SP140: variants seen among roughly 807,000 people sequenced by gnomAD.
SP140 encodes the protein SP140 nuclear body protein, also known as nuclear body protein SP140.
SP140 carries 81 observed loss-of-function variants against 125.0 expected under a neutral mutation model. The ratio of observed to expected loss-of-function variants is 0.65; its 90% confidence interval spans 0.54 to 0.78. SP140 has a LOEUF of 0.78. Ranked by LOEUF, SP140 falls within the 30% of genes least tolerant of loss-of-function variation. The pLI is 0.00. For missense variants in SP140, 858 were observed against 1,037.0 expected (o/e 0.83, Z 2.37); for synonymous variants, 312 against 354.0 (o/e 0.88, Z 1.33).
At chr2:230,292,057 A>T (rs896401605) in intron 19 of SP140, among the ~76,000 whole-genome samples, 4 of 152,210 alleles carry the variant, frequency 2.6e-5, no homozygotes, top group African/African-American at 9.6e-5. Context: ...ATATAAATTA[A>T]ATTTTTTATC....
At chr2:230,264,283 T>C (rs1456795595) in intron 12 of SP140, among the ~76,000 whole-genome samples, 1 of 152,216 alleles carries the variant, frequency 6.6e-6, no homozygotes, top group Admixed American at 6.5e-5. Flanking sequence ...TTCCAGAGCA[T>C]TTCACATTTC....
chr2:230,235,499 G>A (rs2047839448), intron 1 of SP140, among the ~76,000 whole-genome samples: 1 of 152,068 alleles, frequency 6.6e-6, no homozygotes, highest in South Asian at 2.1e-4. Context: ...TTTTTTAAAA[G>A]AATTCAATGG....
chr2:230,227,360 G>A (rs139552277), intron 1 of SP140, among the ~76,000 whole-genome samples: 96 of 152,260 alleles, frequency 6.3e-4, no homozygotes, highest in Non-Finnish European at 1.3e-3. Flanking sequence ...ATGAGCCAGC[G>A]GAGCTCAAAG....
At chr2:230,213,568 C>T in intron 1 of SP140, 1 of 158,636 alleles carries the variant, frequency 6.3e-6, no homozygotes, top group East Asian at 1.8e-4. Flanking sequence ...TCCACAATAC[C>T]CCAGACCCTT....
downstream of SP140, among the ~76,000 whole-genome samples, chr2:230,315,929 G>T (rs1034470626): frequency 5.9e-5 from 9 of 152,182 alleles, no homozygotes; most frequent in African/African-American, 1.4e-4. Flanking sequence ...GGTTAGCACA[G>T]CCTTAGCAAG....
chr2:230,245,746 A>G, intron 6 of SP140, 117 bp from the exon 7 acceptor site: 2 of 666,586 alleles, frequency 3.0e-6, no homozygotes, highest in Non-Finnish European at 5.4e-6. Context: ...GTTTGGTGCA[A>G]AGATACCTTT....
chr2:230,289,711 G>A (rs1369142046), intron 18 of SP140, among the ~76,000 whole-genome samples: 1 of 152,202 alleles, frequency 6.6e-6, no homozygotes, highest in African/African-American at 2.4e-5. Context: ...CTGACGTCAA[G>A]TGATCCACCT....
chr2:230,256,568 C>T (rs1317824068), intron 12 of SP140, among the ~76,000 whole-genome samples: 4 of 151,680 alleles, frequency 2.6e-5, no homozygotes, highest in Non-Finnish European at 4.4e-5. Context: ...ATATACCTAA[C>T]GTAAATGATG....
At chr2:230,241,283 C>T (rs1461713518) in intron 3 of SP140, 121 bp from the exon 4 acceptor site, 3 of 686,900 alleles carry the variant, frequency 4.4e-6, no homozygotes, top group Non-Finnish European at 7.9e-6. Flanking sequence ...GGGAACAAGG[C>T]TCTGTTGGAC....
intron 4 of SP140, among the ~76,000 whole-genome samples, chr2:230,243,151 C>A (rs2048950862): frequency 6.6e-6 from 1 of 152,190 alleles, no homozygotes; most frequent in Non-Finnish European, 1.5e-5. Context: ...ATTGTTAAAT[C>A]TCTCTTTCAA....
intron 12 of SP140, among the ~76,000 whole-genome samples, chr2:230,262,641 G>A (rs1407459241): frequency 6.6e-6 from 1 of 151,972 alleles, no homozygotes; most frequent in African/African-American, 2.4e-5. Flanking sequence ...GGTTTTGATT[G>A]TCATTCAGTT....
chr2:230,284,797 A>T (rs1165992093), intron 16 of SP140, among the ~76,000 whole-genome samples: 1 of 152,208 alleles, frequency 6.6e-6, no homozygotes, highest in East Asian at 1.9e-4. Flanking sequence ...TGAAATTCAT[A>T]CTTGTGAAGT....
chr2:230,272,555 C>G (rs540807519), intron 15 of SP140, among the ~76,000 whole-genome samples: 123 of 152,154 alleles, frequency 8.1e-4, no homozygotes, highest in Non-Finnish European at 1.6e-3. Flanking sequence ...TGCCATCATC[C>G]ATGTAAGACG....
chr2:230,229,453 A>ATTT (rs1293495369), intron 1 of SP140, among the ~76,000 whole-genome samples: 1 of 128,918 alleles, frequency 7.8e-6, no homozygotes, highest in African/African-American at 3.0e-5. Flanking sequence ...GCATGAAGAA[A>ATTT]TTCTTTTTTT....
intron 20 of SP140, among the ~76,000 whole-genome samples, chr2:230,294,019 A>G (rs1217459666): frequency 6.6e-6 from 1 of 152,164 alleles, no homozygotes; most frequent in African/African-American, 2.4e-5. Context: ...ATTGTGAAGG[A>G]AAACCTCTTA....
At chr2:230,240,159 AT>A (rs1173418535) in intron 3 of SP140, among the ~76,000 whole-genome samples, 5 of 152,238 alleles carry the variant, frequency 3.3e-5, no homozygotes, top group African/African-American at 1.2e-4. Context: ...CCACAAAAAA[AT>A]AATTCAAGTT....
upstream of SP140, chr2:230,225,698 G>A (rs1291413587): frequency 1.4e-6 from 1 of 714,698 alleles, no homozygotes; most frequent in Admixed American, 2.0e-5. Context: ...CTGTAGAGTT[G>A]GTGCACCCAC....
intron 1 of SP140, among the ~76,000 whole-genome samples, chr2:230,227,671 AG>A (rs1241616956): frequency 3.9e-5 from 6 of 152,312 alleles, no homozygotes; most frequent in Admixed American, 6.5e-5. Flanking sequence ...TGCCTCTTAA[AG>A]AATTTGTTCA....
At chr2:230,281,047 G>A (rs1305254168) in intron 15 of SP140, among the ~76,000 whole-genome samples, 1 of 151,942 alleles carries the variant, frequency 6.6e-6, no homozygotes, top group African/African-American at 2.4e-5. Flanking sequence ...TTATTTCCTG[G>A]AATCTATGGT....
Sources: gnomAD v4.1 joint callset for allele counts (sites outside exome capture counted in the v4.1 genomes callset) on GRCh38, gnomAD v4.1.1 for gene constraint, MANE v1.5 for transcripts, NCBI Gene and HGNC (gene_info 2026-07-23, HGNC 2026-07-21) for gene names.